Variants in FSTL4 observed in about 807,000 individuals in gnomAD.
The protein encoded by FSTL4 is follistatin-related protein 4.
FSTL4 carries 28 observed loss-of-function variants against 78.2 expected under a neutral mutation model. The ratio of observed to expected loss-of-function variants is 0.36; its 90% CI spans 0.27 to 0.49. The LOEUF (loss-of-function observed/expected upper bound fraction) is 0.49, where lower values mean the gene tolerates loss of function less well. Ranked by LOEUF, FSTL4 falls within the 20% of genes least tolerant of loss-of-function variation. The pLI is 0.98. For synonymous variants in FSTL4, 422 were observed against 440.5 expected, an observed-to-expected ratio of 0.96 and a Z score of 0.53; for missense variants, 922 against 1,084.9, an observed-to-expected ratio of 0.85 and a Z score of 2.11.
intron 6 of FSTL4, among the ~76,000 whole-genome samples, chr5:133,264,418 A>T (rs1449940928): frequency 2.6e-5 from 4 of 152,046 alleles, no homozygotes; most frequent in Middle Eastern, 3.2e-3. Flanking sequence ...GCCCCCTGTC[A>T]TTCCTCATCC....
chr5:133,769,593 A>G, the FSTL4 span, among the ~76,000 whole-genome samples: 1 of 152,178 alleles, frequency 6.6e-6, no homozygotes, highest in African/African-American at 2.4e-5. Context: ...GCTCTGCCCA[A>G]CACAGCCATC....
the FSTL4 span, among the ~76,000 whole-genome samples, chr5:133,685,684 A>G: frequency 3.2e-4 from 49 of 152,214 alleles, no homozygotes; most frequent in African/African-American, 1.2e-3. Flanking sequence ...CCACAACATG[A>G]TAGTCCTGGA....
chr5:133,507,868 T>C (rs1022724715), intron 3 of FSTL4, among the ~76,000 whole-genome samples: 1 of 137,988 alleles, frequency 7.2e-6, no homozygotes, highest in Admixed American at 7.5e-5. Flanking sequence ...AAAAATAACA[T>C]AACCATAAAA....
chr5:133,720,966 AT>A, the FSTL4 span: 1 of 152,208 alleles, frequency 6.6e-6, no homozygotes, highest in Admixed American at 6.5e-5. Flanking sequence ...GCCTTCTCAG[AT>A]GAGCAAGCTT....
chr5:133,403,235 T>G (rs1429288485), intron 3 of FSTL4, among the ~76,000 whole-genome samples: 1 of 152,242 alleles, frequency 6.6e-6, no homozygotes, highest in Non-Finnish European at 1.5e-5. Context: ...TAATTGCCCA[T>G]TTTGAAGAAA....
the FSTL4 span, among the ~76,000 whole-genome samples, chr5:133,767,991 T>C: frequency 6.6e-6 from 1 of 152,114 alleles, no homozygotes; most frequent in African/African-American, 2.4e-5. Context: ...AGGGAAAGGA[T>C]TTTGAAAGAA....
the FSTL4 span, among the ~76,000 whole-genome samples, chr5:133,683,669 T>A: frequency 8.2e-4 from 125 of 152,284 alleles, no homozygotes; most frequent in Middle Eastern, 0.037. Context: ...TTTTTCCCCC[T>A]CTCTTCTCAG....
chr5:133,508,248 CTGTTAT>C (rs756476228), intron 3 of FSTL4, among the ~76,000 whole-genome samples: 6 of 152,192 alleles, frequency 3.9e-5, no homozygotes, highest in Non-Finnish European at 7.3e-5. Flanking sequence ...TGTTAGCTAA[CTGTTAT>C]TAACTATTAT....
intron 3 of FSTL4, among the ~76,000 whole-genome samples, chr5:133,506,415 C>T (rs150415728): frequency 5.4e-4 from 82 of 152,200 alleles, no homozygotes; most frequent in African/African-American, 2.0e-3. Flanking sequence ...CAACTTGTCA[C>T]TCTGAAAAGT....
At chr5:133,774,306 G>A in the FSTL4 span, among the ~76,000 whole-genome samples, 4 of 152,114 alleles carry the variant, frequency 2.6e-5, no homozygotes, top group Admixed American at 6.6e-5. Context: ...CTAAGGTAGC[G>A]ATTCTCAATC....
intron 7 of FSTL4, among the ~76,000 whole-genome samples, chr5:133,235,445 G>A (rs1751628749): frequency 6.7e-6 from 1 of 148,902 alleles, no homozygotes; most frequent in Admixed American, 6.8e-5. Context: ...GTTGTAGTGA[G>A]CTGAGATTGT....
At chr5:133,239,646 A>G (rs1561637231) in intron 7 of FSTL4, among the ~76,000 whole-genome samples, 1 of 152,130 alleles carries the variant, frequency 6.6e-6, no homozygotes, top group Non-Finnish European at 1.5e-5. Context: ...TACACCAATC[A>G]GCACTCTGTA....
chr5:133,612,962 C>T (rs1048305033), upstream of FSTL4, among the ~76,000 whole-genome samples: 1 of 152,208 alleles, frequency 6.6e-6, no homozygotes, highest in Non-Finnish European at 1.5e-5. The surrounding 1 kb of genome is among the most constrained non-coding windows in gnomAD (Gnocchi z 6.2). Flanking sequence ...TGAAATCCCC[C>T]GCCGTTGAGA....
chr5:133,651,129 T>A, the FSTL4 span, among the ~76,000 whole-genome samples: 182 of 152,340 alleles, frequency 1.2e-3, no homozygotes, highest in Non-Finnish European at 2.1e-3. Flanking sequence ...CCAGGAATTT[T>A]TTTTTGTCAG....
At chr5:133,780,306 T>C in the FSTL4 span, among the ~76,000 whole-genome samples, 2 of 152,268 alleles carry the variant, frequency 1.3e-5, no homozygotes, top group African/African-American at 4.8e-5. Flanking sequence ...TCTCTCTCCC[T>C]GCTCTTCCCA....
intron 3 of FSTL4, among the ~76,000 whole-genome samples, chr5:133,420,716 C>G (rs572867507): frequency 6.6e-6 from 1 of 152,244 alleles, no homozygotes; most frequent in Non-Finnish European, 1.5e-5. Flanking sequence ...GAGAGGGTCA[C>G]ACACCCATGC....
intron 4 of FSTL4, among the ~76,000 whole-genome samples, chr5:133,336,217 T>G (rs908569089): frequency 6.6e-6 from 1 of 152,232 alleles, no homozygotes; most frequent in Admixed American, 6.5e-5. Flanking sequence ...AGCTGGGCTG[T>G]CCAGCTCGGG....
the FSTL4 span, among the ~76,000 whole-genome samples, chr5:133,797,468 G>A: frequency 5.3e-5 from 8 of 152,186 alleles, no homozygotes; most frequent in Non-Finnish European, 1.0e-4. Context: ...TGGCATTATT[G>A]CCACAAAGGC....
rs1273250346 is a variant in FSTL4 at position 133,440,683 on chromosome 5, G to A, written c.161-39697C>T. Among the ~76,000 whole-genome samples the A allele has an allele frequency of 6.6e-6, 1 of 152,162 alleles. No homozygotes were observed. The highest frequency in any genetic ancestry group is 2.4e-5 in the African/African-American group (1 of 41,438). On this transcript the variant is annotated intron_variant, in intron 3 of 15. Transcript: ENST00000265342. This position sits in a 1 kb window ranked among gnomAD's most constrained non-coding sequence, Gnocchi z 4.1. The stretch of plus-strand genomic sequence containing the variant: ...CAGAACACAACCTCTGAGAGGCCTG[G>A]GAATGTCCAAGCAGGGGGAAGAGAA...
Sources: allele counts gnomAD v4.1 joint callset (sites outside exome capture counted in the v4.1 genomes callset), GRCh38; gene constraint gnomAD v4.1.1; non-coding constraint Gnocchi (gnomAD v3.1); transcripts MANE v1.5; gene names NCBI Gene and HGNC (gene_info 2026-07-23, HGNC 2026-07-21).